GRM3: variants seen among roughly 807,000 people sequenced by gnomAD.
The protein encoded by GRM3 is metabotropic glutamate receptor 3.
In GRM3, 26 loss-of-function variants were observed where a neutral mutation model predicts 70.5. The observed-to-expected ratio is 0.37, with a 90% CI of 0.27 to 0.51. The LOEUF is 0.51. Among genes scored for constraint, GRM3 ranks in the 20% least tolerant of loss-of-function variants. GRM3 has a pLI of 0.93. For synonymous variants in GRM3, 443 were observed against 434.9 expected, an observed-to-expected ratio of 1.02 and a Z score of -0.23; for missense variants, 859 against 1,123.8, an observed-to-expected ratio of 0.76 and a Z score of 3.37.
intron 1 of GRM3, among the ~76,000 whole-genome samples, chr7:86,672,655 G>C (rs945274920): frequency 6.6e-6 from 1 of 151,518 alleles, no homozygotes; most frequent in Non-Finnish European, 1.5e-5. Context: ...GAACACATCC[G>C]GTGTGTGTGA....
At chr7:86,779,908 G>A (rs1797000184) in intron 2 of GRM3, among the ~76,000 whole-genome samples, 1 of 152,182 alleles carries the variant, frequency 6.6e-6, no homozygotes, top group Non-Finnish European at 1.5e-5. Flanking sequence ...GACAACTACT[G>A]CAAGTAAAGC....
chr7:86,725,908 TCTC>T (rs1406252555), intron 1 of GRM3, among the ~76,000 whole-genome samples: 1 of 152,080 alleles, frequency 6.6e-6, no homozygotes, highest in African/African-American at 2.4e-5. Context: ...CTGGTTTCTT[TCTC>T]TTCTTAGAAG....
rs766121666 is a variant in GRM3 at position 86,839,008 on chromosome 7, C to A, written c.1494C>A (p.His498Gln). 6.2e-7 allele frequency: 1 copy of A among 1,614,030 alleles called. No individual in the cohort carries two copies. Among genetic ancestry groups the A allele is most frequent in the African/African-American group, 1.3e-5 (1 of 74,926 alleles). ...ETLSLDVNSI[H>Q]WSRNSVPTSQ... ...TATCGCTAGATGTCAACTCTATCCA[C>A]TGGTCCCGGAACTCAGTCCCCACTT... is the stretch of plus-strand genomic sequence containing the variant. The change falls in exon 4 of 6, where the codon CAC becomes CAA. Residue 498 changes from histidine to glutamine, a missense_variant. Physicochemically the swap from His to Gln is conservative, Grantham distance 24. Transcript: ENST00000361669. This position sits in a 1 kb window ranked among gnomAD's most constrained non-coding sequence, Gnocchi z 4.5.
At chr7:86,681,473 T>C (rs1421498201) in intron 1 of GRM3, among the ~76,000 whole-genome samples, 2 of 152,158 alleles carry the variant, frequency 1.3e-5, no homozygotes, top group Non-Finnish European at 2.9e-5. Flanking sequence ...ATTAACTGTG[T>C]CCTAGCATTA....
chr7:86,857,530 C>G (rs10263372), intron 5 of GRM3, among the ~76,000 whole-genome samples: 18,632 of 152,076 alleles, frequency 0.12, 1,477 homozygotes, highest in African/African-American at 0.23. Flanking sequence ...TGGTTTAGAC[C>G]AGAGTGAGAG....
At chr7:86,766,169 C>T (rs1017084132) in intron 2 of GRM3, among the ~76,000 whole-genome samples, 1 of 152,056 alleles carries the variant, frequency 6.6e-6, no homozygotes, top group Non-Finnish European at 1.5e-5. Context: ...AGGACAAGTG[C>T]TGCAGTTATG....
intron 1 of GRM3, among the ~76,000 whole-genome samples, chr7:86,691,729 C>T (rs1248399342): frequency 1.3e-5 from 2 of 152,160 alleles, no homozygotes; most frequent in East Asian, 3.9e-4. Context: ...ATAAGCTTGG[C>T]CTCCTTTTGC....
At chr7:86,719,139 T>A (rs1368918628) in intron 1 of GRM3, among the ~76,000 whole-genome samples, 1 of 151,862 alleles carries the variant, frequency 6.6e-6, no homozygotes, top group Non-Finnish European at 1.5e-5. Flanking sequence ...AAAAAAAAGA[T>A]GTAGTGAAAA....
rs1261829445 is a variant in GRM3 at position 86,790,885 on chromosome 7, C to T, written c.1324+3769C>T. Among the ~76,000 whole-genome samples, 5 of 152,164 alleles carry T rather than the reference C, an allele frequency of 3.3e-5. 1 individual carries two copies. The highest frequency in any genetic ancestry group is 4.1e-4 in the South Asian group (2 of 4,822). On this transcript the variant is annotated intron_variant, in intron 3 of 5. Transcript: ENST00000361669. ...TACCCCCAACCCCCACTACAGATGC[C>T]CCTATTTCCCTTGTACCCTGCTCTA... is the stretch of plus-strand genomic sequence containing the variant.
At chr7:86,659,998 T>C (rs1158905790) in intron 1 of GRM3, among the ~76,000 whole-genome samples, 2 of 152,016 alleles carry the variant, frequency 1.3e-5, no homozygotes, top group Admixed American at 6.6e-5. Context: ...GTGAAAATCA[T>C]TGGTCAGGAA....
At chr7:86,764,793 C>T (rs973032605) in intron 1 of GRM3, among the ~76,000 whole-genome samples, 17 of 152,024 alleles carry the variant, frequency 1.1e-4, no homozygotes, top group Admixed American at 1.1e-3. Context: ...CCTCTGTGCC[C>T]ATTTCTGTGA....
rs562376133 is a variant in GRM3, at chr7:86,686,445, A to G, written c.-141+41573A>G. Among the ~76,000 whole-genome samples the G allele has an allele frequency of 5.9e-5, 9 of 152,366 alleles. 1 individual carries two copies. In the South Asian group the frequency reaches 1.7e-3, roughly 28 times the overall value. Reference sequence around the variant, plus strand: ...GCAAAACTCCAAAAAAGGAAACAATATAAATCACCAGGGGGTTGCAAAGAT... The same window carrying G: ...GCAAAACTCCAAAAAAGGAAACAATGTAAATCACCAGGGGGTTGCAAAGAT... On this transcript the variant is annotated intron_variant, in intron 1 of 5. Transcript: ENST00000361669.
intron 3 of GRM3, among the ~76,000 whole-genome samples, chr7:86,813,389 G>A (rs549209116): frequency 6.6e-6 from 1 of 151,904 alleles, no homozygotes; most frequent in Non-Finnish European, 1.5e-5. Flanking sequence ...GTCCAGTCAA[G>A]TTCCTACAAG....
At position 86,786,439 on chromosome 7, in the gene GRM3, T is replaced by C; in HGVS notation, c.647T>C (p.Val216Ala). The C allele has an allele frequency of 6.2e-7, 1 of 1,614,192 alleles. No homozygotes were observed. The highest frequency in any genetic ancestry group is 8.5e-7 in the Non-Finnish European group (1 of 1,180,014). ...RFFNWTYVSTVASEGDYGETG... is the reference protein window; with the variant it reads ...RFFNWTYVSTAASEGDYGETG... The stretch of plus-strand genomic sequence containing the variant: ...TTCAACTGGACCTACGTGTCCACAG[T>C]AGCCTCCGAGGGTGATTACGGGGAG... Residue 216 changes from valine to alanine, a missense_variant, in exon 3 of 6, where the codon GTA (valine) becomes GCA (alanine). Transcript: ENST00000361669. The surrounding 1 kb of genome is among the most constrained non-coding windows in gnomAD (Gnocchi z 6.0).
At chr7:86,753,579 T>C (rs74370347) in intron 1 of GRM3, among the ~76,000 whole-genome samples, 1,527 of 152,274 alleles carry the variant, frequency 0.01, 22 homozygotes, top group African/African-American at 0.035. Flanking sequence ...TATTTTGATA[T>C]TTTTATTATA....
chr7:86,850,531 C>G lies in GRM3; in HGVS notation c.2553C>G (p.Thr851=). The part of the protein sequence containing the change: ...LNRFSVSGTG[T]TYSQSSASTY... Reference sequence around the variant, plus strand: ...GGTTCAGTGTCAGTGGAACTGGGACCACATACTCTCAGTGTAAGTATGGAA... The same window carrying G: ...GGTTCAGTGTCAGTGGAACTGGGACGACATACTCTCAGTGTAAGTATGGAA... The change falls in exon 5 of 6, where the codon ACC becomes ACG. Residue 851 remains threonine (T), a synonymous_variant. Coordinates refer to ENST00000361669, the MANE Select transcript of GRM3 (RefSeq NM_000840.3). 1 of 1,602,820 alleles carries G rather than the reference C, an allele frequency of 6.2e-7. No individual in the cohort carries two copies.
chr7:86,856,286 A>G (rs1798843602), intron 5 of GRM3, among the ~76,000 whole-genome samples: 1 of 152,076 alleles, frequency 6.6e-6, no homozygotes, highest in South Asian at 2.1e-4. Flanking sequence ...TCTACTAAAA[A>G]AATACAAAAA....
intron 1 of GRM3, among the ~76,000 whole-genome samples, chr7:86,678,051 G>GA (rs1411314066): frequency 1.3e-5 from 2 of 151,762 alleles, no homozygotes; most frequent in Non-Finnish European, 2.9e-5. Context: ...GATGTCATGG[G>GA]AAAAAATCTT....
At position 86,864,754 on chromosome 7, in the gene GRM3, G is replaced by A. The variant is rs1799031891; in HGVS notation, c.*399G>A. On this transcript the variant is annotated 3_prime_UTR_variant, in exon 6 of 6. Transcript: ENST00000361669. ...TAGGTCCTTGTTGTAACTAATTTAGGATGAGTTTCTATGTTGTATATTAAA... is the reference window on the plus strand; with the variant it reads ...TAGGTCCTTGTTGTAACTAATTTAGAATGAGTTTCTATGTTGTATATTAAA... The A allele has an allele frequency of 6.3e-6, 1 of 159,068 alleles. No homozygotes were observed. The allele number at this position is 159,068 out of a possible 1,614,324, so 9.9% of individuals were successfully genotyped here. A position where few individuals can be genotyped will look rare whatever the true frequency, so the allele number is the denominator to read the frequency against.
Sources: allele counts gnomAD v4.1 joint callset (sites outside exome capture counted in the v4.1 genomes callset), GRCh38; gene constraint gnomAD v4.1.1; non-coding constraint Gnocchi (gnomAD v3.1); transcripts MANE v1.5; gene names NCBI Gene and HGNC (gene_info 2026-07-23, HGNC 2026-07-21).